Variants in CEP112 observed in about 807,000 individuals in gnomAD.
CEP112 encodes centrosomal protein 112.
A neutral mutation model predicts 153.0 loss-of-function variants in CEP112; 127 were observed. The observed-to-expected ratio is 0.83, with a 90% CI of 0.72 to 0.96. CEP112 has a LOEUF of 0.96. Among genes scored for constraint, CEP112 ranks in the 40% least tolerant of loss-of-function variants. The pLI, the probability that CEP112 is intolerant of heterozygous loss-of-function variation, is 0.00. For synonymous variants in CEP112, 358 were observed against 374.4 expected (o/e 0.96, Z 0.51); for missense variants, 1,089 against 1,101.2 (o/e 0.99, Z 0.16).
At chr17:65,717,742 C>T (rs898059487) in intron 23 of CEP112, among the ~76,000 whole-genome samples, 1 of 152,164 alleles carries the variant, frequency 6.6e-6, no homozygotes, top group Non-Finnish European at 1.5e-5. Flanking sequence ...CTCATGATTT[C>T]TTGGAAAGCC....
intron 15 of CEP112, 125 bp from the exon 16 acceptor site, chr17:66,027,685 T>C (rs1278307727): frequency 3.0e-6 from 2 of 670,060 alleles, no homozygotes; most frequent in South Asian, 2.4e-5. Flanking sequence ...TTGCATATGA[T>C]TAAGTAAGCC....
intron 23 of CEP112, among the ~76,000 whole-genome samples, chr17:65,703,828 C>G (rs1367590263): frequency 6.7e-6 from 1 of 149,732 alleles, no homozygotes; most frequent in Non-Finnish European, 1.5e-5. Flanking sequence ...AAAAAAAACC[C>G]AGAAAAACAA....
intron 25 of CEP112, 138 bp from the exon 26 acceptor site, chr17:65,637,326 T>C (rs905141559): frequency 1.5e-6 from 1 of 675,118 alleles, no homozygotes; most frequent in African/African-American, 1.8e-5. Flanking sequence ...GTCAATGTTG[T>C]GTTTTTTACA....
chr17:66,006,772 G>A (rs1262227380), intron 16 of CEP112, among the ~76,000 whole-genome samples: 1 of 152,208 alleles, frequency 6.6e-6, no homozygotes, highest in Admixed American at 6.5e-5. Flanking sequence ...CATGGCAACT[G>A]AGGATGCAGA....
intron 20 of CEP112, among the ~76,000 whole-genome samples, chr17:65,879,548 T>A (rs559818762): frequency 6.6e-6 from 1 of 152,046 alleles, no homozygotes; most frequent in African/African-American, 2.4e-5. Context: ...TAAATGTGAC[T>A]CAAAAGCAAG....
chr17:66,011,703 AGAGTG>A (rs1362062730), intron 16 of CEP112, among the ~76,000 whole-genome samples: 1 of 152,112 alleles, frequency 6.6e-6, no homozygotes. Flanking sequence ...TGTTTTGGGT[AGAGTG>A]TTATGTAGAT....
intron 11 of CEP112, among the ~76,000 whole-genome samples, chr17:66,061,571 C>CAT (rs1484227828): frequency 2.0e-5 from 3 of 150,786 alleles, no homozygotes; most frequent in South Asian, 2.1e-4. Flanking sequence ...GTGATAGATA[C>CAT]ACACACACAC....
At chr17:65,714,928 T>C (rs540068086) in intron 23 of CEP112, among the ~76,000 whole-genome samples, 1 of 152,198 alleles carries the variant, frequency 6.6e-6, no homozygotes, top group East Asian at 1.9e-4. Flanking sequence ...AGGGGAGCTG[T>C]ATGAATAGAC....
In CEP112 at chr17:65,640,946, C is replaced by A. The variant is rs771702363; in HGVS notation, c.2799+18G>T. 1 of 1,406,548 alleles carries A rather than the reference C, an allele frequency of 7.1e-7. No homozygotes were observed. Among genetic ancestry groups the A allele is most frequent in the Non-Finnish European group, 1.0e-6 (1 of 992,422 alleles). The allele number at this position is 1,406,548 out of a possible 1,614,324, so 87.1% of individuals were successfully genotyped here. The stretch of plus-strand genomic sequence containing the variant: ...TATCCCCTAAATCCTTGGAAAATGC[C>A]TTGATTCTAGTAATTACCTGTGATT... On this transcript the variant is annotated intron_variant, in intron 25 of 26. Transcript: ENST00000535342.
intron 21 of CEP112, among the ~76,000 whole-genome samples, chr17:65,847,116 C>A (rs1373145948): frequency 6.6e-6 from 1 of 152,150 alleles, no homozygotes; most frequent in East Asian, 1.9e-4. Flanking sequence ...CACTCAACAC[C>A]AGCCTATGTA....
At chr17:65,818,003 C>T (rs953186326) in intron 21 of CEP112, among the ~76,000 whole-genome samples, 3 of 151,752 alleles carry the variant, frequency 2.0e-5, no homozygotes, top group African/African-American at 4.8e-5. Flanking sequence ...TCCATTAGGT[C>T]CTGATCAATT....
chr17:65,815,874 T>C (rs2056236831), intron 21 of CEP112, among the ~76,000 whole-genome samples: 1 of 152,154 alleles, frequency 6.6e-6, no homozygotes, highest in Non-Finnish European at 1.5e-5. Context: ...TTGGTTCTTG[T>C]AGTTTTGTAT....
intron 18 of CEP112, among the ~76,000 whole-genome samples, chr17:65,960,297 A>T (rs1170872441): frequency 3.3e-5 from 5 of 152,224 alleles, no homozygotes; most frequent in Non-Finnish European, 7.3e-5. Context: ...TATTAGATAT[A>T]AAAGGGCAAA....
chr17:65,816,308 G>C (rs1233390808), intron 21 of CEP112, among the ~76,000 whole-genome samples: 17 of 151,876 alleles, frequency 1.1e-4, no homozygotes, highest in Admixed American at 1.1e-3. Flanking sequence ...TATTCCCATA[G>C]GTTATTGGGG....
At chr17:66,172,093 A>T (rs1045329422) in intron 4 of CEP112, among the ~76,000 whole-genome samples, 2 of 152,226 alleles carry the variant, frequency 1.3e-5, no homozygotes, top group African/African-American at 4.8e-5. Context: ...ATTAAATTAA[A>T]TATGTGGCAG....
chr17:65,906,412 T>TATA (rs922621341), intron 19 of CEP112, among the ~76,000 whole-genome samples: 24 of 151,582 alleles, frequency 1.6e-4, no homozygotes, highest in East Asian at 9.7e-4. Context: ...GAACTTAAAG[T>TATA]ATAATAATAA....
intron 19 of CEP112, among the ~76,000 whole-genome samples, chr17:65,918,795 T>C (rs1160291675): frequency 6.6e-6 from 1 of 152,252 alleles, no homozygotes; most frequent in South Asian, 2.1e-4. Flanking sequence ...ATTTAGCCCA[T>C]GTGTTTGATG....
intron 17 of CEP112, among the ~76,000 whole-genome samples, chr17:65,986,967 G>A (rs930079723): frequency 2.0e-5 from 3 of 151,968 alleles, no homozygotes; most frequent in African/African-American, 4.8e-5. Flanking sequence ...TTAAATAAAC[G>A]AAACACCAAG....
At chr17:66,121,667 C>T (rs9912322) in intron 6 of CEP112, among the ~76,000 whole-genome samples, 7,915 of 151,782 alleles carry the variant, frequency 0.052, 262 homozygotes, top group African/African-American at 0.07. Context: ...TTCGGTTATA[C>T]GGTTTAACAC....
Sources: gnomAD v4.1 joint callset for allele counts (sites outside exome capture counted in the v4.1 genomes callset) on GRCh38, gnomAD v4.1.1 for gene constraint, MANE v1.5 for transcripts, NCBI Gene and HGNC (gene_info 2026-07-23, HGNC 2026-07-21) for gene names.